Variants in DPP6 observed in about 807,000 individuals in gnomAD.
DPP6 encodes the protein dipeptidyl peptidase like 6, also known as A-type potassium channel modulatory protein DPP6.
Under a neutral mutation model 122.6 loss-of-function variants are expected in DPP6, and 69 were observed. That is an observed-to-expected ratio of 0.56 (90% CI 0.46 to 0.69). The LOEUF is 0.69. Among genes scored for constraint, DPP6 ranks in the 30% least tolerant of loss-of-function variants. The pLI is 0.00. For missense variants in DPP6, 928 were observed against 1,116.9 expected (o/e 0.83, Z 2.41); for synonymous variants, 418 against 433.1 (o/e 0.97, Z 0.43).
At chr7:154,019,595 T>C (rs542075323) in intron 1 of DPP6, among the ~76,000 whole-genome samples, 2 of 152,286 alleles carry the variant, frequency 1.3e-5, no homozygotes, top group East Asian at 1.9e-4. Flanking sequence ...AGATGTCTTA[T>C]TACGAAGCAA....
chr7:154,405,428 T>C (rs1378695545), intron 1 of DPP6, among the ~76,000 whole-genome samples: 1 of 150,770 alleles, frequency 6.6e-6, no homozygotes, highest in Non-Finnish European at 1.5e-5. Flanking sequence ...AAGGATATTT[T>C]CCTTGTTACT....
At chr7:153,842,574 C>T in the DPP6 span, among the ~76,000 whole-genome samples, 124,935 of 152,056 alleles carry the variant, frequency 0.82, 51,410 homozygotes, top group South Asian at 0.9. Context: ...ATCTTAATTA[C>T]CTCATAATCA....
At chr7:153,939,634 G>C (rs1169179769) in intron 1 of DPP6, among the ~76,000 whole-genome samples, 1 of 152,218 alleles carries the variant, frequency 6.6e-6, no homozygotes, top group Non-Finnish European at 1.5e-5. Context: ...CCATTTATTT[G>C]AATGTGTCAA....
intron 2 of DPP6, among the ~76,000 whole-genome samples, chr7:154,454,192 A>G (rs1820630471): frequency 6.6e-6 from 1 of 152,146 alleles, no homozygotes; most frequent in South Asian, 2.1e-4. Context: ...GGTATTGTTC[A>G]TTTGCCCTGG....
chr7:154,073,760 G>A (rs1803299757), intron 1 of DPP6, among the ~76,000 whole-genome samples: 1 of 152,144 alleles, frequency 6.6e-6, no homozygotes, highest in Non-Finnish European at 1.5e-5. Context: ...GGAAAAACTT[G>A]CTGTTACTTA....
At chr7:154,405,973 CG>C (rs2151195807) in intron 1 of DPP6, among the ~76,000 whole-genome samples, 1 of 152,202 alleles carries the variant, frequency 6.6e-6, no homozygotes, top group South Asian at 2.1e-4. Flanking sequence ...AAATGCGATG[CG>C]TAACATAAAT....
At chr7:154,347,743 T>C (rs948036427) in intron 1 of DPP6, among the ~76,000 whole-genome samples, 3 of 152,200 alleles carry the variant, frequency 2.0e-5, no homozygotes, top group African/African-American at 7.2e-5. Flanking sequence ...TAGACTGTGA[T>C]CCCATTAGAG....
chr7:154,548,178 C>G (rs563075649), intron 4 of DPP6, among the ~76,000 whole-genome samples: 6 of 152,216 alleles, frequency 3.9e-5, no homozygotes, highest in African/African-American at 1.4e-4. Flanking sequence ...CACTGTACTC[C>G]AGCCTGGGCA....
chr7:154,740,120 C>T (rs1842749616), intron 8 of DPP6, among the ~76,000 whole-genome samples: 1 of 152,178 alleles, frequency 6.6e-6, no homozygotes, highest in South Asian at 2.1e-4. Flanking sequence ...TAATGACCTA[C>T]TCCTGAGAGA....
intron 1 of DPP6, among the ~76,000 whole-genome samples, chr7:154,147,809 G>A (rs1262214963): frequency 1.3e-5 from 2 of 152,130 alleles, no homozygotes; most frequent in African/African-American, 4.8e-5. Flanking sequence ...CTCCCAAAGT[G>A]CTGGGATTAC....
chr7:154,791,253 C>CA (rs1327292406), intron 10 of DPP6, among the ~76,000 whole-genome samples: 3 of 151,092 alleles, frequency 2.0e-5, no homozygotes, highest in Non-Finnish European at 2.9e-5. Context: ...GACTCTGTCT[C>CA]AAAAAAATAA....
chr7:154,823,797 T>G (rs987117543), intron 16 of DPP6, among the ~76,000 whole-genome samples: 1 of 152,224 alleles, frequency 6.6e-6, no homozygotes, highest in Non-Finnish European at 1.5e-5. Flanking sequence ...TCTCTGATAC[T>G]GACTCAATAG....
At chr7:154,308,954 G>C (rs900827415) in intron 1 of DPP6, among the ~76,000 whole-genome samples, 1 of 152,058 alleles carries the variant, frequency 6.6e-6, no homozygotes, top group Non-Finnish European at 1.5e-5. Context: ...GTGTGCATGC[G>C]TATGCACACA....
chr7:154,371,636 G>A lies in DPP6; in HGVS notation c.244-74578G>A, dbSNP rs1399592077. On this transcript the variant is annotated intron_variant, in intron 1 of 25. Transcript: ENST00000377770. The stretch of plus-strand genomic sequence containing the variant: ...TGAATGCACACGTCTGTGTGCCGTG[G>A]GATGGCCTCTAGAGCGATTCCTCCC... Among the ~76,000 whole-genome samples the A allele has an allele frequency of 2.0e-5, 3 of 151,972 alleles. No individual in the cohort carries two copies. The East Asian group carries it at 5.9e-4, about 30-fold the overall frequency.
intron 1 of DPP6, among the ~76,000 whole-genome samples, chr7:154,278,935 G>T (rs117240497): frequency 9.9e-5 from 15 of 151,900 alleles, no homozygotes; most frequent in African/African-American, 3.4e-4. Flanking sequence ...GTATGTATGT[G>T]TGTTTGTTGT....
At chr7:154,718,152 C>A (rs965033043) in intron 7 of DPP6, among the ~76,000 whole-genome samples, 3 of 152,142 alleles carry the variant, frequency 2.0e-5, no homozygotes, top group Non-Finnish European at 2.9e-5. Context: ...TGGATACTAA[C>A]CCCTCGTCAG....
At chr7:153,792,221 T>TCATTTC in the DPP6 span, among the ~76,000 whole-genome samples, 1 of 152,272 alleles carries the variant, frequency 6.6e-6, no homozygotes, top group Non-Finnish European at 1.5e-5. Flanking sequence ...CACATCCTCT[T>TCATTTC]CATTTCCATT....
chr7:154,595,462 G>A (rs75857250), intron 5 of DPP6, among the ~76,000 whole-genome samples: 1,579 of 152,266 alleles, frequency 0.01, 13 homozygotes, highest in Non-Finnish European at 0.015. Context: ...ATGAAAGACC[G>A]CCCATCCTAG....
intron 1 of DPP6, 68 bp downstream of exon 1, chr7:154,053,131 G>C (rs1482900179): frequency 2.0e-6 from 2 of 979,776 alleles, no homozygotes; most frequent in Non-Finnish European, 2.4e-6. Flanking sequence ...GAGACGCGTC[G>C]GCAGGGGAAA....
Sources: allele counts gnomAD v4.1 joint callset (sites outside exome capture counted in the v4.1 genomes callset), GRCh38; gene constraint gnomAD v4.1.1; transcripts MANE v1.5; gene names NCBI Gene and HGNC (gene_info 2026-07-23, HGNC 2026-07-21).